ARL3: variants seen among roughly 807,000 people sequenced by gnomAD.
ARL3 encodes ADP-ribosylation factor-like protein 3.
ARL3 carries 9 observed loss-of-function variants against 26.0 expected under a neutral mutation model. That is an observed-to-expected ratio of 0.35 (90% confidence interval 0.21 to 0.60). ARL3 has a LOEUF of 0.60. Ranked by LOEUF, ARL3 falls within the 20% of genes least tolerant of loss-of-function variation. The pLI is 0.78. For missense variants in ARL3, 158 were observed against 215.7 expected, an observed-to-expected ratio of 0.73 and a Z score of 1.67; for synonymous variants, 71 against 78.4, an observed-to-expected ratio of 0.91 and a Z score of 0.50.
chr10:102,712,309 G>C (rs1280405051), intron 1 of ARL3, among the ~76,000 whole-genome samples: 1 of 152,134 alleles, frequency 6.6e-6, no homozygotes, highest in Non-Finnish European at 1.5e-5. Flanking sequence ...GGGGCTCATG[G>C]GATACCAGAT....
At chr10:102,691,822 A>C (rs1302549216) in intron 3 of ARL3, among the ~76,000 whole-genome samples, 1 of 152,212 alleles carries the variant, frequency 6.6e-6, no homozygotes, top group Non-Finnish European at 1.5e-5. Context: ...ATGGAAGACT[A>C]TTAAACATAG....
rs1388523297 is a variant in ARL3 at position 102,675,575 on chromosome 10, CAT to C, written c.*1317_*1318del. The C allele has an allele frequency of 6.6e-6, 1 of 152,236 alleles. No homozygotes were observed. Among genetic ancestry groups the C allele is most frequent in the Admixed American group, 6.5e-5 (1 of 15,276 alleles). The allele number at this position is 152,236 out of a possible 1,614,324, so 9.4% of individuals were successfully genotyped here. Reference sequence around the variant, plus strand: ...CGGGCAATGCTCTGGCCTGTTTCCCCATGTTTGAAGCTGAGGATTTCTGAGGT... The same window carrying C: ...CGGGCAATGCTCTGGCCTGTTTCCCCGTTTGAAGCTGAGGATTTCTGAGGT... On this transcript the variant is annotated 3_prime_UTR_variant, in exon 6 of 6. Coordinates refer to ENST00000260746, the MANE Select transcript of ARL3 (RefSeq NM_004311.4).
intron 5 of ARL3, among the ~76,000 whole-genome samples, chr10:102,678,402 A>G (rs2064140611): frequency 6.6e-6 from 1 of 152,204 alleles, no homozygotes; most frequent in Admixed American, 6.5e-5. Context: ...TTAGTAGCTA[A>G]TTGGTTTCCA....
chr10:102,711,867 T>TGAAAA (rs2064343258), intron 1 of ARL3, among the ~76,000 whole-genome samples: 1 of 152,210 alleles, frequency 6.6e-6, no homozygotes, highest in Admixed American at 6.5e-5. Context: ...TAACAGCCAC[T>TGAAAA]GAAAAGACTA....
chr10:102,695,214 A>G (rs920421156), intron 3 of ARL3, among the ~76,000 whole-genome samples: 37 of 152,208 alleles, frequency 2.4e-4, no homozygotes, highest in Admixed American at 1.3e-3. Flanking sequence ...CTATAAATCA[A>G]GTTGGGTATA....
intron 1 of ARL3, among the ~76,000 whole-genome samples, chr10:102,709,971 T>A (rs7076749): frequency 0.26 from 39,923 of 151,022 alleles, 5,469 homozygotes; most frequent in Middle Eastern, 0.36. Context: ...GAGGTGGAGG[T>A]TGCAGTGAGC....
rs529449014 is a variant in ARL3, at chr10:102,694,999, G to T, written c.264+4374C>A. Among the ~76,000 whole-genome samples, 9 of 152,318 alleles carry T rather than the reference G, an allele frequency of 5.9e-5. No homozygotes were observed. The South Asian group carries it at 1.5e-3, about 25-fold the overall frequency. On this transcript the variant is annotated intron_variant, in intron 3 of 5. Transcript: ENST00000260746. ...CTCCCAAAGTGTTGGGAGTGCGGGC[G>T]TGAGCCACTGCGCCCGGCCTATGCT... is the stretch of plus-strand genomic sequence containing the variant.
intron 1 of ARL3, among the ~76,000 whole-genome samples, chr10:102,712,909 G>GC (rs2064352734): frequency 1.3e-5 from 2 of 151,976 alleles, no homozygotes; most frequent in South Asian, 4.1e-4. Context: ...AAAAAAAACT[G>GC]CAAGTGTAGC....
chr10:102,685,249 CAA>C (rs66482677), intron 5 of ARL3, among the ~76,000 whole-genome samples: 3 of 105,444 alleles, frequency 2.8e-5, no homozygotes, highest in African/African-American at 8.4e-5. Context: ...AACTCCGTCT[CAA>C]AAAAAAAAAA....
At chr10:102,703,284 G>A (rs923061351) in intron 2 of ARL3, among the ~76,000 whole-genome samples, 2 of 151,714 alleles carry the variant, frequency 1.3e-5, no homozygotes, top group African/African-American at 4.8e-5. Context: ...ACCACATCCA[G>A]CTAATTTTTG....
At chr10:102,693,107 T>C (rs1209896611) in intron 3 of ARL3, among the ~76,000 whole-genome samples, 1 of 152,222 alleles carries the variant, frequency 6.6e-6, no homozygotes, top group Non-Finnish European at 1.5e-5. Context: ...AAGGACATCT[T>C]GGATGCTTCC....
rs1207807163 is a variant in ARL3 at position 102,674,820 on chromosome 10, GA to G, written c.*2073del. On this transcript the variant is annotated 3_prime_UTR_variant, in exon 6 of 6. Coordinates refer to ENST00000260746, the MANE Select transcript of ARL3 (RefSeq NM_004311.4). ...TGTCTCTGCAGCTGAGAGCAAATCA[GA>G]ACATTTACAGAGGCCGTTATCAGAG... 6.6e-6 allele frequency: 1 copy of G among 152,168 alleles called. No individual in the cohort carries two copies. The highest frequency in any genetic ancestry group is 1.5e-5 in the Non-Finnish European group (1 of 68,046). The allele number at this position is 152,168 out of a possible 1,614,324, so 9.4% of individuals were successfully genotyped here.
Position 102,714,378 on chromosome 10 carries a change from G to A in ARL3, c.-103C>T. 8.5e-7 allele frequency: 1 copy of A among 1,177,946 alleles called. No individual in the cohort carries two copies. The highest frequency in any genetic ancestry group is 1.1e-6 in the Non-Finnish European group (1 of 920,486). The allele number at this position is 1,177,946 out of a possible 1,614,324, so 73.0% of individuals were successfully genotyped here. A position where few individuals can be genotyped will look rare whatever the true frequency, so the allele number is the denominator to read the frequency against. ...CCCGACGTCCCTCGCACGCACAGCT[G>A]AGGAGCTGAGCAGCAATACGGGGCG... is the stretch of plus-strand genomic sequence containing the variant. On this transcript the variant is annotated 5_prime_UTR_variant, in exon 1 of 6. Coordinates refer to ENST00000260746, the MANE Select transcript of ARL3 (RefSeq NM_004311.4).
chr10:102,712,041 A>G (rs1416127273), intron 1 of ARL3, among the ~76,000 whole-genome samples: 1 of 152,218 alleles, frequency 6.6e-6, no homozygotes, highest in African/African-American at 2.4e-5. Flanking sequence ...TACTGAATGA[A>G]GGAATCATAT....
At chr10:102,687,404 T>TA (rs1268440974) in intron 4 of ARL3, among the ~76,000 whole-genome samples, 2 of 151,580 alleles carry the variant, frequency 1.3e-5, no homozygotes, top group African/African-American at 2.4e-5. Context: ...CCCAGCTAAT[T>TA]AAAAAAAAAT....
chr10:102,709,086 A>G (rs1325934303), intron 1 of ARL3, among the ~76,000 whole-genome samples: 4 of 151,046 alleles, frequency 2.6e-5, no homozygotes, highest in Admixed American at 6.6e-5. Context: ...GTGTATTTTT[A>G]GTAGAGACAG....
At chr10:102,699,088 TGACTTCCCTTC>T (rs2064264723) in intron 3 of ARL3, among the ~76,000 whole-genome samples, 1 of 152,238 alleles carries the variant, frequency 6.6e-6, no homozygotes, top group African/African-American at 2.4e-5. Flanking sequence ...CATGATCTTC[TGACTTCCCTTC>T]TGCTATTCAA....
At chr10:102,694,850 C>G (rs1419375202) in intron 3 of ARL3, among the ~76,000 whole-genome samples, 1 of 152,144 alleles carries the variant, frequency 6.6e-6, no homozygotes. Context: ...TCCCGAGCAG[C>G]TGGGATTACA....
At position 102,694,202 on chromosome 10, in the gene ARL3, G is replaced by A. The variant is rs568618692; in HGVS notation, c.265-4259C>T. Among the ~76,000 whole-genome samples, 8 of 150,516 alleles carry A rather than the reference G, an allele frequency of 5.3e-5. No individual in the cohort carries two copies. In the East Asian group the frequency reaches 1.6e-3, roughly 30 times the overall value. ...GATGGGGTTTCACCGTGTTAGCCAG[G>A]ATGGTCTCGATCTCCTGACCTCGTG... is the stretch of plus-strand genomic sequence containing the variant. On this transcript the variant is annotated intron_variant, in intron 3 of 5. Coordinates refer to ENST00000260746, the MANE Select transcript of ARL3 (RefSeq NM_004311.4).
Sources: allele counts gnomAD v4.1 joint callset (sites outside exome capture counted in the v4.1 genomes callset), GRCh38; gene constraint gnomAD v4.1.1; transcripts MANE v1.5; gene names NCBI Gene and HGNC (gene_info 2026-07-23, HGNC 2026-07-21).